TNFSF4: variants seen among roughly 807,000 people sequenced by gnomAD.
The protein encoded by TNFSF4 is tumor necrosis factor ligand superfamily member 4.
Under a neutral mutation model 7.3 loss-of-function variants are expected in TNFSF4, and 4 were observed. The ratio of observed to expected loss-of-function variants is 0.55; its 90% CI spans 0.27 to 1.25. The LOEUF is 1.25. TNFSF4 is among the 50% of genes most tolerant of loss of function. The pLI, the probability that TNFSF4 is intolerant of heterozygous loss-of-function variation, is 0.12. For missense variants in TNFSF4, 181 were observed against 208.8 expected (o/e 0.87, Z 0.82); for synonymous variants, 76 against 83.7 (o/e 0.91, Z 0.50).
chr1:173,220,101 A>G, the TNFSF4 span, among the ~76,000 whole-genome samples: 1 of 152,178 alleles, frequency 6.6e-6, no homozygotes, highest in African/African-American at 2.4e-5. Context: ...CCCAAAACAA[A>G]GGGATTTTAT....
chr1:173,297,153 T>C, the TNFSF4 span, among the ~76,000 whole-genome samples: 6 of 151,864 alleles, frequency 4.0e-5, no homozygotes, highest in Non-Finnish European at 1.5e-5. Flanking sequence ...TAAGGTGCCA[T>C]TGGAGTACAG....
At chr1:173,231,381 G>C in the TNFSF4 span, among the ~76,000 whole-genome samples, 2 of 152,178 alleles carry the variant, frequency 1.3e-5, no homozygotes, top group African/African-American at 4.8e-5. Flanking sequence ...AAAGGCCTTT[G>C]ACAAAATTCA....
chr1:173,404,864 T>C, the TNFSF4 span, among the ~76,000 whole-genome samples: 1 of 152,094 alleles, frequency 6.6e-6, no homozygotes, highest in Non-Finnish European at 1.5e-5. Context: ...ACTCCTGACC[T>C]CAAGTGGTCC....
chr1:173,284,745 C>G, the TNFSF4 span, among the ~76,000 whole-genome samples: 1 of 152,124 alleles, frequency 6.6e-6, no homozygotes, highest in Non-Finnish European at 1.5e-5. Flanking sequence ...GACAGCACAT[C>G]CATTTGAAGC....
At position 173,184,099 on chromosome 1, in the gene TNFSF4, T is replaced by C. The variant is rs751691753; in HGVS notation, c.*2417A>G. The C allele has an allele frequency of 6.6e-6, 1 of 152,242 alleles. No homozygotes were observed. The highest frequency in any genetic ancestry group is 1.5e-5 in the Non-Finnish European group (1 of 68,036). 9.4% of individuals were successfully genotyped at this position (152,242 alleles called of 1,614,324 possible). ...AGAACATAGACATTTAATATGTGCA[T>C]TCACAGATAACACTGTAAGCATAAG... is the stretch of plus-strand genomic sequence containing the variant. On this transcript the variant is annotated 3_prime_UTR_variant, in exon 3 of 3. Coordinates refer to ENST00000281834, the MANE Select transcript of TNFSF4 (RefSeq NM_003326.5).
At chr1:173,260,869 G>GAC in the TNFSF4 span, among the ~76,000 whole-genome samples, 1 of 152,144 alleles carries the variant, frequency 6.6e-6, no homozygotes, top group Non-Finnish European at 1.5e-5. Context: ...AAGAGACTTA[G>GAC]ACTCCCACAC....
At chr1:173,279,265 C>T in the TNFSF4 span, among the ~76,000 whole-genome samples, 1 of 152,036 alleles carries the variant, frequency 6.6e-6, no homozygotes, top group African/African-American at 2.4e-5. Context: ...CTCTTGTTCA[C>T]TTTTCTTTAC....
the TNFSF4 span, among the ~76,000 whole-genome samples, chr1:173,360,050 G>A: frequency 6.6e-6 from 1 of 152,206 alleles, no homozygotes; most frequent in African/African-American, 2.4e-5. Flanking sequence ...TGGCTATGAT[G>A]GCCACACAGG....
At chr1:173,253,662 G>A in the TNFSF4 span, among the ~76,000 whole-genome samples, 1 of 152,196 alleles carries the variant, frequency 6.6e-6, no homozygotes, top group Non-Finnish European at 1.5e-5. Flanking sequence ...TCTAGTTTCT[G>A]CCCTACTCTG....
the TNFSF4 span, among the ~76,000 whole-genome samples, chr1:173,308,067 T>C: frequency 6.6e-6 from 1 of 151,968 alleles, no homozygotes; most frequent in Non-Finnish European, 1.5e-5. Context: ...GGGTTGTCTG[T>C]CTTTTTCTTA....
the TNFSF4 span, among the ~76,000 whole-genome samples, chr1:173,442,854 T>C: frequency 6.6e-6 from 1 of 151,912 alleles, no homozygotes; most frequent in East Asian, 1.9e-4. Context: ...CGGCCTAATT[T>C]TTGTATTTTT....
At chr1:173,230,817 C>T in the TNFSF4 span, among the ~76,000 whole-genome samples, 32 of 152,184 alleles carry the variant, frequency 2.1e-4, no homozygotes, top group Admixed American at 1.0e-3. Flanking sequence ...TACTAGACAC[C>T]TCTACGCAAA....
chr1:173,210,953 G>A (rs1650355708), upstream of TNFSF4, among the ~76,000 whole-genome samples: 1 of 152,174 alleles, frequency 6.6e-6, no homozygotes. Context: ...CTGAACAAAG[G>A]GCTGTACTCA....
chr1:173,294,622 AC>A, the TNFSF4 span, among the ~76,000 whole-genome samples: 3 of 151,986 alleles, frequency 2.0e-5, no homozygotes, highest in South Asian at 6.2e-4. Flanking sequence ...AACAAAACAA[AC>A]CCCCCAAAAA....
the TNFSF4 span, among the ~76,000 whole-genome samples, chr1:173,244,002 AC>A: frequency 1.3e-5 from 2 of 152,234 alleles, no homozygotes; most frequent in African/African-American, 4.8e-5. Flanking sequence ...TTCCAAGTTC[AC>A]TAAGCTTTTT....
the TNFSF4 span, among the ~76,000 whole-genome samples, chr1:173,274,124 T>TACACACACACACACACACACACAC: frequency 6.9e-6 from 1 of 145,514 alleles, no homozygotes; most frequent in Admixed American, 6.9e-5. Context: ...TCCATGTTCA[T>TACACACACACACACACACACACAC]ACACACACAC....
chr1:173,229,611 T>C, the TNFSF4 span, among the ~76,000 whole-genome samples: 1 of 152,202 alleles, frequency 6.6e-6, no homozygotes, highest in Non-Finnish European at 1.5e-5. Context: ...ATGGGCTAAA[T>C]GCTCCAATTA....
At chr1:173,362,540 T>C in the TNFSF4 span, 1 of 541,042 alleles carries the variant, frequency 1.8e-6, no homozygotes, top group African/African-American at 1.9e-5. Flanking sequence ...GCCTCCATCC[T>C]TCCCACTAAT....
At chr1:173,183,551 C>A (rs1226485693), downstream of TNFSF4, among the ~76,000 whole-genome samples, 1 of 152,194 alleles carries the variant, frequency 6.6e-6, no homozygotes, top group Non-Finnish European at 1.5e-5. Flanking sequence ...CAGTGAGCAT[C>A]TTTTCAAAAG....
Sources: gnomAD v4.1 joint callset for allele counts (sites outside exome capture counted in the v4.1 genomes callset) on GRCh38, gnomAD v4.1.1 for gene constraint, MANE v1.5 for transcripts, NCBI Gene and HGNC (gene_info 2026-07-23, HGNC 2026-07-21) for gene names.